The following CHST15 variants were observed in gnomAD, a reference collection of about 807,000 sequenced individuals.
CHST15 encodes carbohydrate sulfotransferase 15.
Under a neutral mutation model 53.6 loss-of-function variants are expected in CHST15, and 30 were observed. The ratio of observed to expected loss-of-function variants is 0.56; its 90% CI spans 0.42 to 0.76. The LOEUF (loss-of-function observed/expected upper bound fraction) is 0.76. CHST15 is among the 30% of genes least tolerant of loss of function. The pLI, the probability that CHST15 is intolerant of heterozygous loss-of-function variation, is 0.00. For synonymous variants in CHST15, 296 were observed against 289.8 expected (o/e 1.02, Z -0.22); for missense variants, 627 against 740.5 (o/e 0.85, Z 1.78).
At chr10:124,011,637 GCACATGCCTCTGCCAGCCAT>G in intron 7 of CHST15, 7 of 985,424 alleles carry the variant, frequency 7.1e-6, no homozygotes, top group Non-Finnish European at 8.4e-6. Context: ...CGCTCCGCCA[GCACATGCCTCTGCCAGCCAT>G]CACCATAGTC....
At position 124,007,745 on chromosome 10, in the gene CHST15, A is replaced by G. The variant is rs1209342017; in HGVS notation, c.*2404T>C. 1 of 1,230,252 alleles carries G rather than the reference A, an allele frequency of 8.1e-7. No homozygotes were observed. Among genetic ancestry groups the G allele is most frequent in the Non-Finnish European group, 1.0e-6 (1 of 987,486 alleles). The allele number at this position is 1,230,252 out of a possible 1,614,324, so 76.2% of individuals were successfully genotyped here. A position where few individuals can be genotyped will look rare whatever the true frequency, so the allele number is the denominator to read the frequency against. Reference sequence around the variant, plus strand: ...TCTTTAATTATGTTAAATATTAATAAAAGTACAGCGTAACTGCGATTCACT... The same window carrying G: ...TCTTTAATTATGTTAAATATTAATAGAAGTACAGCGTAACTGCGATTCACT... On this transcript the variant is annotated 3_prime_UTR_variant, in exon 8 of 8. Coordinates refer to ENST00000435907, the MANE Select transcript of CHST15 (RefSeq NM_001270764.2).
intron 1 of CHST15, among the ~76,000 whole-genome samples, chr10:124,062,509 G>A (rs186472393): frequency 2.6e-5 from 4 of 152,224 alleles, no homozygotes; most frequent in East Asian, 1.9e-4. Context: ...GGAGATTAAC[G>A]GCAGTACCGA....
rs539315310 is a variant in CHST15, at chr10:124,074,179, C to G, written c.-513+19290G>C. Among the ~76,000 whole-genome samples the G allele has an allele frequency of 6.6e-6, 1 of 152,232 alleles. No homozygotes were observed. Among genetic ancestry groups the G allele is most frequent in the Non-Finnish European group, 1.5e-5 (1 of 68,040 alleles). The stretch of plus-strand genomic sequence containing the variant: ...AGGGAAGGTAGCTTGCTCTCCCTCC[C>G]AAGATCTTTCCACTTCATTTCTGCA... On this transcript the variant is annotated intron_variant, in intron 1 of 7. Coordinates refer to ENST00000435907, the MANE Select transcript of CHST15 (RefSeq NM_001270764.2). This position sits in a 1 kb window ranked among gnomAD's most constrained non-coding sequence, Gnocchi z 4.4.
In CHST15 at chr10:124,008,256, C is replaced by G; in HGVS notation, c.*1893G>C. 1 of 1,198,202 alleles carries G rather than the reference C, an allele frequency of 8.3e-7. No homozygotes were observed. Among genetic ancestry groups the G allele is most frequent in the Admixed American group, 4.4e-5 (1 of 22,480 alleles). The allele number at this position is 1,198,202 out of a possible 1,614,324, so 74.2% of individuals were successfully genotyped here. ...CAAGTTAATTGGCAGAGAAATTAATCTATAAAAGGGTTGTGTCCAGAGCGG... is the reference window on the plus strand; with the variant it reads ...CAAGTTAATTGGCAGAGAAATTAATGTATAAAAGGGTTGTGTCCAGAGCGG... On this transcript the variant is annotated 3_prime_UTR_variant, in exon 8 of 8. Transcript: ENST00000435907.
At chr10:124,030,870 C>T (rs1036911707) in intron 5 of CHST15, among the ~76,000 whole-genome samples, 3 of 152,252 alleles carry the variant, frequency 2.0e-5, no homozygotes, top group African/African-American at 7.2e-5. Flanking sequence ...GAATCCGGCT[C>T]AGCTCCCTTC....
chr10:124,064,597 C>T (rs1187073685), intron 1 of CHST15, among the ~76,000 whole-genome samples: 1 of 152,116 alleles, frequency 6.6e-6, no homozygotes. Flanking sequence ...AGCCCCTCTT[C>T]GTTGCTGGGC....
chr10:124,018,459 T>G (rs190836739), intron 6 of CHST15, among the ~76,000 whole-genome samples: 10 of 152,326 alleles, frequency 6.6e-5, no homozygotes, highest in African/African-American at 2.2e-4. Context: ...CGAATCCCTG[T>G]AAAGGGAAAT....
At chr10:124,088,566 C>T (rs1160268925) in intron 1 of CHST15, among the ~76,000 whole-genome samples, 2 of 152,192 alleles carry the variant, frequency 1.3e-5, no homozygotes, top group African/African-American at 2.4e-5. Context: ...CTCCCCTCAC[C>T]CCCTTATTTC....
At chr10:124,060,066 T>G (rs1187943666) in intron 1 of CHST15, among the ~76,000 whole-genome samples, 1 of 152,102 alleles carries the variant, frequency 6.6e-6, no homozygotes, top group Non-Finnish European at 1.5e-5. Flanking sequence ...CAACCCAGCT[T>G]GGCTGTAGGG....
intron 1 of CHST15, among the ~76,000 whole-genome samples, chr10:124,080,315 G>A (rs1159147700): frequency 6.6e-6 from 1 of 152,204 alleles, no homozygotes; most frequent in Non-Finnish European, 1.5e-5. Context: ...GGCACTGACT[G>A]TTCCCTCCTT....
intron 1 of CHST15, among the ~76,000 whole-genome samples, chr10:124,063,744 T>C (rs533353318): frequency 2.0e-5 from 3 of 152,190 alleles, no homozygotes; most frequent in African/African-American, 7.2e-5. Flanking sequence ...TACCCACATC[T>C]CTCCGGAGCA....
At chr10:124,010,363 C>G in intron 7 of CHST15, 24 bp from the exon 8 acceptor site, 1 of 1,538,866 alleles carries the variant, frequency 6.5e-7, no homozygotes, top group Non-Finnish European at 8.7e-7. Flanking sequence ...AGACGAGTCC[C>G]GTAAGGCAGG....
intron 1 of CHST15, among the ~76,000 whole-genome samples, chr10:124,086,992 G>A (rs1368214497): frequency 1.3e-5 from 2 of 152,168 alleles, no homozygotes; most frequent in Non-Finnish European, 2.9e-5. Flanking sequence ...AAGAGCTTCC[G>A]TGTCACGGGC....
chr10:124,088,324 C>A (rs1025480169), intron 1 of CHST15, among the ~76,000 whole-genome samples: 1 of 152,258 alleles, frequency 6.6e-6, no homozygotes, highest in African/African-American at 2.4e-5. Flanking sequence ...CCGCCTCGCC[C>A]ACTGATCTGA....
At position 124,046,361 on chromosome 10, in the gene CHST15, A is replaced by C. The variant is rs775841606; in HGVS notation, c.-149T>G. On this transcript the variant is annotated 5_prime_UTR_variant, in exon 2 of 8. Transcript: ENST00000435907. Reference sequence around the variant, plus strand: ...AAAGCACAAATACAAAAATAAGCAGACACCACAGCACTAGAGAAAGAGGGT... The same window carrying C: ...AAAGCACAAATACAAAAATAAGCAGCCACCACAGCACTAGAGAAAGAGGGT... The C allele has an allele frequency of 4.7e-5, 32 of 680,684 alleles. No individual in the cohort carries two copies. Among genetic ancestry groups the C allele is most frequent in the Non-Finnish European group, 6.5e-5 (27 of 414,446 alleles). The allele number at this position is 680,684 out of a possible 1,614,324, so 42.2% of individuals were successfully genotyped here. A position where few individuals can be genotyped will look rare whatever the true frequency, so the allele number is the denominator to read the frequency against.
intron 1 of CHST15, among the ~76,000 whole-genome samples, chr10:124,058,153 G>A (rs766795855): frequency 1.3e-5 from 2 of 151,622 alleles, no homozygotes; most frequent in Admixed American, 1.3e-4. Flanking sequence ...TACTGACTCC[G>A]GTTTTCCAAT....
intron 1 of CHST15, among the ~76,000 whole-genome samples, chr10:124,059,145 C>T (rs1339689114): frequency 6.6e-6 from 1 of 152,182 alleles, no homozygotes; most frequent in African/African-American, 2.4e-5. Context: ...CCATTTAGAC[C>T]CTCATTCTCT....
intron 1 of CHST15, among the ~76,000 whole-genome samples, chr10:124,065,731 A>G (rs1171222322): frequency 6.6e-6 from 1 of 152,208 alleles, no homozygotes; most frequent in Non-Finnish European, 1.5e-5. Context: ...ACATGCCAAA[A>G]TGATATGTCT....
At position 124,019,878 on chromosome 10, in the gene CHST15, G is replaced by A. The variant is rs532383416; in HGVS notation, c.1347+1378C>T. On this transcript the variant is annotated intron_variant, in intron 6 of 7. Coordinates refer to ENST00000435907, the MANE Select transcript of CHST15 (RefSeq NM_001270764.2). The surrounding 1 kb of genome is among the most constrained non-coding windows in gnomAD (Gnocchi z 4.6). ...GTGCCCCCCATCTCCCACACCAGGC[G>A]GCTGGCTGCGTTCTGTATGGTAGGT... 3.9e-5 allele frequency: 38 copies of A among 985,948 alleles called. No individual in the cohort carries two copies. The highest frequency in any genetic ancestry group is 3.4e-4 in the East Asian group (3 of 8,824). 61.1% of individuals were successfully genotyped at this position (985,948 alleles called of 1,614,324 possible).
Sources: allele counts gnomAD v4.1 joint callset (sites outside exome capture counted in the v4.1 genomes callset), GRCh38; gene constraint gnomAD v4.1.1; non-coding constraint Gnocchi (gnomAD v3.1); transcripts MANE v1.5; gene names NCBI Gene and HGNC (gene_info 2026-07-23, HGNC 2026-07-21).